RABEP2: variants seen among roughly 807,000 people sequenced by gnomAD.
The protein encoded by RABEP2 is rabaptin, RAB GTPase binding effector protein 2, also known as rab GTPase-binding effector protein 2.
Under a neutral mutation model 74.1 loss-of-function variants are expected in RABEP2, and 57 were observed. That is an observed-to-expected ratio of 0.77 (90% CI 0.62 to 0.96). The LOEUF (loss-of-function observed/expected upper bound fraction) is 0.96. RABEP2 is among the 40% of genes least tolerant of loss of function. The pLI is 0.00. For missense variants in RABEP2, 692 were observed against 756.3 expected (o/e 0.91, Z 1.00); for synonymous variants, 351 against 344.0 (o/e 1.02, Z -0.23).
chr16:28,911,030 G>T (rs778441736), intron 6 of RABEP2, 44 bp from the exon 7 acceptor site: 1 of 1,610,290 alleles, frequency 6.2e-7, no homozygotes, highest in East Asian at 2.2e-5. Context: ...GGCATGTCAG[G>T]GGGCGGCAGG....
intron 5 of RABEP2, among the ~76,000 whole-genome samples, chr16:28,913,096 G>A (rs1220596446): frequency 6.6e-6 from 1 of 152,074 alleles, no homozygotes; most frequent in East Asian, 1.9e-4. Context: ...CCAAGTAGCT[G>A]GGATTACAGG....
chr16:28,922,215 G>A (rs765555589), intron 2 of RABEP2, among the ~76,000 whole-genome samples: 5 of 152,154 alleles, frequency 3.3e-5, no homozygotes, highest in African/African-American at 7.2e-5. Context: ...ACATGGACTT[G>A]TTTGATTTTT....
chr16:28,905,662 G>A (rs1489244054), intron 11 of RABEP2, 42 bp downstream of exon 11: 1 of 1,604,980 alleles, frequency 6.2e-7, no homozygotes, highest in Non-Finnish European at 8.5e-7. Context: ...CTTTTCCACA[G>A]CTGGGTCCCT....
chr16:28,913,036 TACC>T (rs1964335463), intron 5 of RABEP2, among the ~76,000 whole-genome samples: 1 of 152,032 alleles, frequency 6.6e-6, no homozygotes, highest in African/African-American at 2.4e-5. Context: ...GATCTCGGCT[TACC>T]ACAACTTCTG....
At chr16:28,906,470 A>C (rs1381724953) in intron 8 of RABEP2, among the ~76,000 whole-genome samples, 1 of 152,190 alleles carries the variant, frequency 6.6e-6, no homozygotes, top group East Asian at 1.9e-4. Context: ...GATTACCTAC[A>C]GCAAGAGCCC....
Position 28,904,918 on chromosome 16 carries a change from G to A in RABEP2, c.*25C>T. 2 of 1,557,926 alleles carry A rather than the reference G, an allele frequency of 1.3e-6. No individual in the cohort carries two copies. The highest frequency in any genetic ancestry group is 1.8e-6 in the Non-Finnish European group (2 of 1,132,310). On this transcript the variant is annotated 3_prime_UTR_variant, in exon 13 of 13. Coordinates refer to ENST00000358201, the MANE Select transcript of RABEP2 (RefSeq NM_024816.3). Reference sequence around the variant, plus strand: ...AGTGGGGAAAGGCGTCTTTCCCAGGGTGGGGGTGGGGATATCCTGACCCCT... The same window carrying A: ...AGTGGGGAAAGGCGTCTTTCCCAGGATGGGGGTGGGGATATCCTGACCCCT...
chr16:28,910,741 T>TA, intron 7 of RABEP2, 147 bp downstream of exon 7: 1 of 680,720 alleles, frequency 1.5e-6, no homozygotes, highest in Non-Finnish European at 2.5e-6. Context: ...AAAACCCTCT[T>TA]ACCTACCTGG....
rs1047175053 is a variant in RABEP2 at position 28,916,943 on chromosome 16, G to A, written c.433-2161C>T. Among the ~76,000 whole-genome samples, 6 of 148,416 alleles carry A rather than the reference G, an allele frequency of 4.0e-5. No individual in the cohort carries two copies. The South Asian group carries it at 6.4e-4, about 16-fold the overall frequency. On this transcript the variant is annotated intron_variant, in intron 3 of 12. Coordinates refer to ENST00000358201, the MANE Select transcript of RABEP2 (RefSeq NM_024816.3). ...TGCAGAGGTTGCAATGAGCTGAGAT[G>A]GCACCACTGCACTCCAGCCTGGGGA...
intron 1 of RABEP2, 41 bp from the exon 2 acceptor site, chr16:28,924,656 C>T (rs1307876163): frequency 3.8e-6 from 6 of 1,560,504 alleles, no homozygotes; most frequent in South Asian, 2.2e-5. Flanking sequence ...CATCTCTTAC[C>T]CCAGGCCACC....
At chr16:28,922,917 T>G (rs990200505) in intron 2 of RABEP2, among the ~76,000 whole-genome samples, 2 of 151,604 alleles carry the variant, frequency 1.3e-5, no homozygotes, top group African/African-American at 2.4e-5. Context: ...TAGGTTCAGC[T>G]GTTAGGCTGC....
In RABEP2 at chr16:28,904,818, C is replaced by T; in HGVS notation, c.*125G>A. On this transcript the variant is annotated 3_prime_UTR_variant, in exon 13 of 13. Coordinates refer to ENST00000358201, the MANE Select transcript of RABEP2 (RefSeq NM_024816.3). ...AGGGCGGGGCGGTGGTGGCCCCCGTCAGTCCCCTCAACCCCAGTCTCAGGG... is the reference window on the plus strand; with the variant it reads ...AGGGCGGGGCGGTGGTGGCCCCCGTTAGTCCCCTCAACCCCAGTCTCAGGG... The T allele has an allele frequency of 1.3e-6, 1 of 771,644 alleles. No homozygotes were observed. Among genetic ancestry groups the T allele is most frequent in the Non-Finnish European group, 2.1e-6 (1 of 487,336 alleles). 47.8% of individuals were successfully genotyped at this position (771,644 alleles called of 1,614,324 possible).
rs1409859541 is a variant in RABEP2 at position 28,905,746 on chromosome 16, G to A, written c.1449C>T (p.Ser483=). The change falls in exon 11 of 13, where the codon AGC becomes AGT. Residue 483 remains serine, a synonymous_variant. Coordinates refer to ENST00000358201, the MANE Select transcript of RABEP2 (RefSeq NM_024816.3). ...GCACCCGCTCCATCTCTGTCCTCAG[G>A]CTGCACAGGGAGGCTGGGAAGTCAG... ...ETEVLEASLC[S]LRTEMERVQQ... The A allele has an allele frequency of 6.2e-7, 1 of 1,613,888 alleles. No homozygotes were observed. Among genetic ancestry groups the A allele is most frequent in the African/African-American group, 1.3e-5 (1 of 74,922 alleles).
At chr16:28,906,937 C>T (rs768696606) in intron 8 of RABEP2, among the ~76,000 whole-genome samples, 1 of 151,874 alleles carries the variant, frequency 6.6e-6, no homozygotes, top group Non-Finnish European at 1.5e-5. Flanking sequence ...CCAGCTGGGG[C>T]GACAGAGCGA....
intron 3 of RABEP2, among the ~76,000 whole-genome samples, chr16:28,915,207 T>C (rs1964374645): frequency 3.2e-4 from 1 of 3,140 alleles, no homozygotes; most frequent in Admixed American, 2.9e-3. Context: ...ACTACAGGCA[T>C]GTGCACCAAT....
chr16:28,912,911 A>G (rs1596698799), intron 5 of RABEP2, among the ~76,000 whole-genome samples: 1 of 149,888 alleles, frequency 6.7e-6, no homozygotes, highest in African/African-American at 2.4e-5. Flanking sequence ...TGGTCTCTCC[A>G]TCCTCAGGGC....
Position 28,904,681 on chromosome 16 carries a change from A to G in RABEP2, c.*262T>C. The G allele has an allele frequency of 1.5e-6, 1 of 658,276 alleles. No individual in the cohort carries two copies. The highest frequency in any genetic ancestry group is 2.4e-6 in the Non-Finnish European group (1 of 408,986). 40.8% of individuals were successfully genotyped at this position (658,276 alleles called of 1,614,324 possible). A position where few individuals can be genotyped will look rare whatever the true frequency, so the allele number is the denominator to read the frequency against. ...GAGCCCAGGAGGCAGCACAGCAGCC[A>G]GAAAGCCGCAGGCCTGAGCCTGCAC... On this transcript the variant is annotated 3_prime_UTR_variant, in exon 13 of 13. Transcript: ENST00000358201.
intron 7 of RABEP2, chr16:28,910,285 CTTTTTTT>C (rs78532991): frequency 7.5e-6 from 1 of 133,174 alleles, no homozygotes; most frequent in Non-Finnish European, 1.6e-5. Flanking sequence ...ATCTGATTTG[CTTTTTTT>C]TTTTTTTTTT....
intron 2 of RABEP2, 28 bp from the exon 3 acceptor site, chr16:28,919,971 G>C (rs375531412): frequency 2.6e-6 from 4 of 1,550,184 alleles, no homozygotes; most frequent in Admixed American, 1.8e-5. Context: ...GGGTGGGAGA[G>C]AGGGAGGGTC....
At position 28,924,393 on chromosome 16, in the gene RABEP2, C is replaced by T. The variant is rs757300653; in HGVS notation, c.274+10G>A. 2 of 1,609,448 alleles carry T rather than the reference C, an allele frequency of 1.2e-6. No individual in the cohort carries two copies. Among genetic ancestry groups the T allele is most frequent in the South Asian group, 1.1e-5 (1 of 91,002 alleles). On this transcript the variant is annotated intron_variant, in intron 2 of 12. Transcript: ENST00000358201. ...GTTGATGGGGAGTCTAGGTGAGTCC[C>T]GCGTCTCACCTTTCAGGATGGCCTG...
Sources: allele counts gnomAD v4.1 joint callset (sites outside exome capture counted in the v4.1 genomes callset), GRCh38; gene constraint gnomAD v4.1.1; transcripts MANE v1.5; gene names NCBI Gene and HGNC (gene_info 2026-07-23, HGNC 2026-07-21).